AGBL4: variants seen among roughly 807,000 people sequenced by gnomAD.
AGBL4 encodes AGBL carboxypeptidase 4.
A neutral mutation model predicts 66.4 loss-of-function variants in AGBL4; 58 were observed. That is an observed-to-expected ratio of 0.87 (90% CI 0.71 to 1.09). The LOEUF is 1.09. Among genes scored for constraint, AGBL4 ranks in the 50% least tolerant of loss-of-function variants. The pLI, the probability that AGBL4 is intolerant of heterozygous loss-of-function variation, is 0.00. For missense variants in AGBL4, 579 were observed against 631.0 expected, an observed-to-expected ratio of 0.92 and a Z score of 0.88; for synonymous variants, 234 against 222.9, an observed-to-expected ratio of 1.05 and a Z score of -0.44.
intron 2 of AGBL4, among the ~76,000 whole-genome samples, chr1:49,830,189 C>G (rs1474073945): frequency 2.6e-5 from 4 of 152,110 alleles, no homozygotes; most frequent in African/African-American, 9.7e-5. Flanking sequence ...GAGGAATCAC[C>G]ACACTGTCTT....
chr1:49,514,016 T>G (rs1455807520), intron 3 of AGBL4, among the ~76,000 whole-genome samples: 1 of 151,962 alleles, frequency 6.6e-6, no homozygotes, highest in Non-Finnish European at 1.5e-5. Context: ...TTTGGCTCTC[T>G]GTTTGTCTGT....
At chr1:49,987,242 T>C (rs1347612422) in intron 1 of AGBL4, among the ~76,000 whole-genome samples, 1 of 152,074 alleles carries the variant, frequency 6.6e-6, no homozygotes, top group Non-Finnish European at 1.5e-5. Flanking sequence ...AGAAAAACAG[T>C]CTCAATCATA....
intron 2 of AGBL4, among the ~76,000 whole-genome samples, chr1:49,785,893 A>AAATAT (rs1407219283): frequency 4.3e-5 from 6 of 140,916 alleles, no homozygotes; most frequent in East Asian, 4.4e-4. Context: ...GGAAAAAAAA[A>AAATAT]ATATATATAT....
At chr1:48,922,712 A>G (rs895272220) in intron 5 of AGBL4, among the ~76,000 whole-genome samples, 23 of 152,224 alleles carry the variant, frequency 1.5e-4, no homozygotes, top group Non-Finnish European at 3.1e-4. Context: ...GTGTGACTTC[A>G]CATATACTGT....
intron 1 of AGBL4, among the ~76,000 whole-genome samples, chr1:49,924,384 C>A (rs1477275173): frequency 6.6e-6 from 1 of 152,018 alleles, no homozygotes; most frequent in East Asian, 1.9e-4. Context: ...ACAACAAACC[C>A]CTATGACATG....
At chr1:49,966,566 C>G (rs900608828) in intron 1 of AGBL4, among the ~76,000 whole-genome samples, 2 of 152,050 alleles carry the variant, frequency 1.3e-5, no homozygotes, top group Non-Finnish European at 2.9e-5. Flanking sequence ...AAATTTCAGA[C>G]GTCAAACCCC....
At chr1:48,842,341 G>A (rs5015171) in intron 6 of AGBL4, among the ~76,000 whole-genome samples, 137,293 of 152,098 alleles carry the variant, frequency 0.9, 62,323 homozygotes, top group Non-Finnish European at 0.96. Context: ...TCTGTGTAGC[G>A]TTTTCAAAAA....
At chr1:49,398,366 T>G (rs928851185) in intron 3 of AGBL4, among the ~76,000 whole-genome samples, 10 of 144,232 alleles carry the variant, frequency 6.9e-5, no homozygotes, top group East Asian at 6.0e-4. Context: ...TCTCTCTCTC[T>G]CGCTCCTGAT....
intron 3 of AGBL4, among the ~76,000 whole-genome samples, chr1:49,266,794 T>A (rs990096643): frequency 6.6e-6 from 1 of 152,148 alleles, no homozygotes; most frequent in African/African-American, 2.4e-5. Context: ...GGGCAAGAGA[T>A]CAGACTGTGT....
At chr1:49,907,900 G>C (rs1433364352) in intron 1 of AGBL4, among the ~76,000 whole-genome samples, 1 of 151,904 alleles carries the variant, frequency 6.6e-6, no homozygotes, top group Non-Finnish European at 1.5e-5. Flanking sequence ...TGTACATGTG[G>C]GGGTGGGGGT....
chr1:49,904,123 C>T (rs1369043586), intron 1 of AGBL4, among the ~76,000 whole-genome samples: 1 of 152,126 alleles, frequency 6.6e-6, no homozygotes, highest in Non-Finnish European at 1.5e-5. Flanking sequence ...CCTGCTCTTT[C>T]CACTGTATCA....
intron 6 of AGBL4, among the ~76,000 whole-genome samples, chr1:48,862,870 C>T (rs1386866272): frequency 6.6e-6 from 1 of 152,014 alleles, no homozygotes; most frequent in Non-Finnish European, 1.5e-5. Flanking sequence ...AAATTTATAC[C>T]CAGCCAAGTT....
At chr1:49,594,826 T>A (rs1327643975) in intron 3 of AGBL4, among the ~76,000 whole-genome samples, 1 of 152,214 alleles carries the variant, frequency 6.6e-6, no homozygotes, top group African/African-American at 2.4e-5. Flanking sequence ...GCAATAAACA[T>A]ATGTGTGCAT....
At chr1:49,802,083 G>T (rs1178146026) in intron 2 of AGBL4, among the ~76,000 whole-genome samples, 1 of 152,178 alleles carries the variant, frequency 6.6e-6, no homozygotes, top group African/African-American at 2.4e-5. Flanking sequence ...ACAATGCCAG[G>T]TTGGACTGCC....
At chr1:49,037,136 T>G (rs1043637931) in intron 5 of AGBL4, among the ~76,000 whole-genome samples, 1 of 152,150 alleles carries the variant, frequency 6.6e-6, no homozygotes, top group African/African-American at 2.4e-5. Context: ...AGATGATTAA[T>G]ATATTTGCTA....
At chr1:49,883,706 T>C (rs987539533) in intron 1 of AGBL4, among the ~76,000 whole-genome samples, 4 of 152,016 alleles carry the variant, frequency 2.6e-5, no homozygotes, top group African/African-American at 9.7e-5. Context: ...GTATTCTAAG[T>C]CATCAAAAGA....
At chr1:49,015,509 G>C (rs1052819425) in intron 5 of AGBL4, among the ~76,000 whole-genome samples, 3 of 148,830 alleles carry the variant, frequency 2.0e-5, no homozygotes, top group Non-Finnish European at 4.4e-5. Flanking sequence ...TGCAAGCTCC[G>C]CCTCCTGGGT....
intron 4 of AGBL4, among the ~76,000 whole-genome samples, chr1:49,132,025 G>A (rs1457020105): frequency 6.6e-6 from 1 of 152,062 alleles, no homozygotes; most frequent in Non-Finnish European, 1.5e-5. Flanking sequence ...ATTTCCCAGG[G>A]AATTCATAAA....
intron 6 of AGBL4, among the ~76,000 whole-genome samples, chr1:48,833,877 A>G (rs1646615578): frequency 6.6e-6 from 1 of 152,224 alleles, no homozygotes; most frequent in South Asian, 2.1e-4. Context: ...AGAGATTATC[A>G]GGACTGCCAC....
Sources: allele counts gnomAD v4.1 joint callset (sites outside exome capture counted in the v4.1 genomes callset), GRCh38; gene constraint gnomAD v4.1.1; transcripts MANE v1.5; gene names NCBI Gene and HGNC (gene_info 2026-07-23, HGNC 2026-07-21).